Variants in PHTF1 observed in about 807,000 individuals in gnomAD.
The protein encoded by PHTF1 is putative homeodomain transcription factor 1.
A neutral mutation model predicts 102.4 loss-of-function variants in PHTF1; 88 were observed. The observed-to-expected ratio is 0.86, with a 90% CI of 0.72 to 1.03. PHTF1 has a LOEUF of 1.03. PHTF1 is among the 50% of genes least tolerant of loss of function. The pLI is 0.00. For missense variants in PHTF1, 814 were observed against 909.5 expected, an observed-to-expected ratio of 0.89 and a Z score of 1.35; for synonymous variants, 289 against 305.2, an observed-to-expected ratio of 0.95 and a Z score of 0.55.
At chr1:113,697,755 A>G in intron 18 of PHTF1, 30 bp from the exon 19 acceptor site, 1 of 1,567,140 alleles carries the variant, frequency 6.4e-7, no homozygotes, top group Non-Finnish European at 8.8e-7. Flanking sequence ...AAAATAAGTT[A>G]GTTCTAGGAA....
intron 7 of PHTF1, among the ~76,000 whole-genome samples, chr1:113,724,257 C>T (rs1571162916): frequency 6.6e-6 from 1 of 152,178 alleles, no homozygotes. Flanking sequence ...TCCAGCAACC[C>T]CACTGCTAGG....
chr1:113,741,455 G>A (rs1656336794), intron 3 of PHTF1, among the ~76,000 whole-genome samples: 3 of 152,082 alleles, frequency 2.0e-5, no homozygotes, highest in Non-Finnish European at 1.5e-5. Flanking sequence ...AAAATTTAAA[G>A]GTAAAAATAT....
intron 6 of PHTF1, chr1:113,726,033 G>A (rs1653773924): frequency 6.3e-6 from 1 of 158,494 alleles, no homozygotes; most frequent in Non-Finnish European, 1.4e-5. Context: ...TTTGAAAAAA[G>A]GTAAAATTTT....
chr1:113,706,851 C>CTTTTTTTTTTTTTTT (rs11363653), intron 11 of PHTF1, 129 bp from the exon 12 acceptor site: 6 of 217,618 alleles, frequency 2.8e-5, no homozygotes, highest in South Asian at 9.5e-5. Flanking sequence ...TTCTTTCTTT[C>CTTTTTTTTTTTTTTT]TTTTTTTTTT....
chr1:113,701,826 T>TAAAAAAAAAAAAAAAAAAAAAAAAAAAA (rs34844793), intron 15 of PHTF1, among the ~76,000 whole-genome samples: 2 of 28,002 alleles, frequency 7.1e-5, no homozygotes, highest in African/African-American at 1.5e-4. Context: ...CAATTCCTGG[T>TAAAAAAAAAAAAAAAAAAAAAAAAAAAA]AAAAAAAAAA....
intron 3 of PHTF1, among the ~76,000 whole-genome samples, chr1:113,748,112 C>T (rs547981815): frequency 5.1e-4 from 77 of 152,140 alleles, no homozygotes; most frequent in Middle Eastern, 3.4e-3. Flanking sequence ...TGAGTAGCTG[C>T]GACTACAGGC....
At chr1:113,753,863 G>C (rs979179298) in intron 3 of PHTF1, among the ~76,000 whole-genome samples, 2 of 151,668 alleles carry the variant, frequency 1.3e-5, no homozygotes, top group African/African-American at 4.9e-5. Context: ...TAGAGACAGA[G>C]TCTCCCTATG....
intron 7 of PHTF1, among the ~76,000 whole-genome samples, chr1:113,723,134 A>T (rs192458763): frequency 5.3e-5 from 8 of 151,962 alleles, no homozygotes; most frequent in African/African-American, 1.7e-4. Flanking sequence ...AATGGAACAG[A>T]ATTGAGAATC....
At chr1:113,756,889 C>G (rs1006976457) in intron 3 of PHTF1, among the ~76,000 whole-genome samples, 1 of 152,108 alleles carries the variant, frequency 6.6e-6, no homozygotes, top group South Asian at 2.1e-4. Flanking sequence ...TACTCTAGGC[C>G]GGGCGCGGTG....
At chr1:113,722,418 G>A (rs530225580) in intron 7 of PHTF1, among the ~76,000 whole-genome samples, 4 of 152,096 alleles carry the variant, frequency 2.6e-5, no homozygotes, top group Admixed American at 6.5e-5. Flanking sequence ...TAGCTTTGGC[G>A]ATAGAGCGAG....
chr1:113,728,206 G>A (rs1349612384), intron 5 of PHTF1, among the ~76,000 whole-genome samples: 1 of 152,160 alleles, frequency 6.6e-6, no homozygotes, highest in Admixed American at 6.5e-5. Context: ...TTATCCATCT[G>A]ACAAGGGATT....
intron 3 of PHTF1, among the ~76,000 whole-genome samples, chr1:113,750,943 T>C (rs1159110404): frequency 6.6e-6 from 1 of 151,288 alleles, no homozygotes; most frequent in Non-Finnish European, 1.5e-5. Context: ...ATATTAGACA[T>C]TAGATTTAAT....
In PHTF1 at chr1:113,736,052, T is replaced by C. The variant is rs530802944; in HGVS notation, c.331+2058A>G. 7.9e-5 allele frequency among the ~76,000 whole-genome samples: 12 copies of C among 152,166 alleles called. No individual in the cohort carries two copies. The East Asian group carries it at 1.3e-3, about 17-fold the overall frequency. On this transcript the variant is annotated intron_variant, in intron 5 of 18. Coordinates refer to ENST00000369604, the MANE Select transcript of PHTF1 (RefSeq NM_001323043.2). ...AGGGTATTAGGACTACTTAGAAATATAAATAGGAGGCCAGGCGCAGTGGCT... is the reference window on the plus strand; with the variant it reads ...AGGGTATTAGGACTACTTAGAAATACAAATAGGAGGCCAGGCGCAGTGGCT...
chr1:113,704,819 T>A, intron 13 of PHTF1, 22 bp from the exon 14 acceptor site: 1 of 1,523,666 alleles, frequency 6.6e-7, no homozygotes, highest in Non-Finnish European at 9.0e-7. Flanking sequence ...TTAAAAAAAA[T>A]CACAGTGAAA....
In PHTF1 at chr1:113,702,851, T is replaced by C. The variant is rs1322809730; in HGVS notation, c.1890+1230A>G. ...AAACATTACAAATAGAGACATTTTG[T>C]AGGGTCATGAAAGGCAAAGCCTGAC... On this transcript the variant is annotated intron_variant, in intron 15 of 18. Coordinates refer to ENST00000369604, the MANE Select transcript of PHTF1 (RefSeq NM_001323043.2). 2.0e-5 allele frequency among the ~76,000 whole-genome samples: 3 copies of C among 152,174 alleles called. No homozygotes were observed. In the East Asian group the frequency reaches 5.8e-4, roughly 29 times the overall value.
At chr1:113,747,254 G>A (rs1485349379) in intron 3 of PHTF1, among the ~76,000 whole-genome samples, 3 of 152,152 alleles carry the variant, frequency 2.0e-5, no homozygotes, top group Non-Finnish European at 4.4e-5. Flanking sequence ...GCCAAGTAGT[G>A]AACTATTATA....
In PHTF1 at chr1:113,721,339, T is replaced by C. The variant is rs567733891; in HGVS notation, c.623+3420A>G. Reference sequence around the variant, plus strand: ...ATAAGAATTCTCAAAAATCAGGGTATAGAAGGAACATACCTCAAAACAATA... The same window carrying C: ...ATAAGAATTCTCAAAAATCAGGGTACAGAAGGAACATACCTCAAAACAATA... On this transcript the variant is annotated intron_variant, in intron 7 of 18. Coordinates refer to ENST00000369604, the MANE Select transcript of PHTF1 (RefSeq NM_001323043.2). 7.2e-4 allele frequency among the ~76,000 whole-genome samples: 109 copies of C among 152,286 alleles called. 2 individuals carry two copies. Among genetic ancestry groups the C allele is most frequent in the African/African-American group, 2.6e-3 (106 of 41,564 alleles).
chr1:113,724,983 T>G, intron 6 of PHTF1, 90 bp from the exon 7 acceptor site: 2 of 843,502 alleles, frequency 2.4e-6, no homozygotes, highest in Non-Finnish European at 3.7e-6. Flanking sequence ...TACTGACAAA[T>G]TACTACCTTA....
chr1:113,743,422 T>C (rs1245736370), intron 3 of PHTF1, among the ~76,000 whole-genome samples: 1 of 152,194 alleles, frequency 6.6e-6, no homozygotes, highest in Non-Finnish European at 1.5e-5. Context: ...TCTTCTGGAA[T>C]ACCTCCTGAA....
Sources: gnomAD v4.1 joint callset for allele counts (sites outside exome capture counted in the v4.1 genomes callset) on GRCh38, gnomAD v4.1.1 for gene constraint, MANE v1.5 for transcripts, NCBI Gene and HGNC (gene_info 2026-07-23, HGNC 2026-07-21) for gene names.